BCL11A: variants seen among roughly 807,000 people sequenced by gnomAD.
The protein encoded by BCL11A is B cell CLL/lymphoma 11A.
In BCL11A, 2 loss-of-function variants were observed where a neutral mutation model predicts 55.9. That is an observed-to-expected ratio of 0.04 (90% CI 0.01 to 0.11). The LOEUF is 0.11. Among genes scored for constraint, BCL11A ranks in the 10% least tolerant of loss-of-function variants. The pLI is 1.00. For synonymous variants in BCL11A, 465 were observed against 473.4 expected, an observed-to-expected ratio of 0.98 and a Z score of 0.23; for missense variants, 817 against 1,137.1, an observed-to-expected ratio of 0.72 and a Z score of 4.05.
chr2:60,547,336 A>G (rs181509531), intron 1 of BCL11A, among the ~76,000 whole-genome samples: 1 of 152,194 alleles, frequency 6.6e-6, no homozygotes, highest in Admixed American at 6.5e-5. Flanking sequence ...ACACATAATC[A>G]CCAGCGGATG....
At position 60,461,794 on chromosome 2, in the gene BCL11A, G is replaced by A. The variant is rs777891691; in HGVS notation, c.1118C>T (p.Pro373Leu). Residue 373 changes from proline (P) to leucine (L), a missense_variant, in exon 4 of 4, where the codon CCG (proline) becomes CTG (leucine). By Grantham distance (98) the Pro-to-Leu change is moderately conservative. Transcript: ENST00000642384. The stretch of plus-strand genomic sequence containing the variant: ...GAACTCGCATGACTTGGACTTGACC[G>A]GGGGCTGGGAGGGAGGAGGGGCGGA... ...LQSAPPPSQP[P>L]VKSKSCEFCG... The A allele has an allele frequency of 4.3e-6, 7 of 1,613,792 alleles. No homozygotes were observed. Among genetic ancestry groups the A allele is most frequent in the Admixed American group, 3.3e-5 (2 of 60,022 alleles).
chr2:60,514,882 AAAAAG>A (rs1573040006), intron 2 of BCL11A, among the ~76,000 whole-genome samples: 2 of 151,738 alleles, frequency 1.3e-5, no homozygotes, highest in East Asian at 1.9e-4. Flanking sequence ...AGAAAAAAAA[AAAAAG>A]AAAAGAGAGA....
At chr2:60,517,301 C>T (rs981668750) in intron 2 of BCL11A, among the ~76,000 whole-genome samples, 1 of 152,174 alleles carries the variant, frequency 6.6e-6, no homozygotes, top group African/African-American at 2.4e-5. Flanking sequence ...CAAGCTATTC[C>T]CTGGGCACAC....
chr2:60,457,804 T>A lies in BCL11A; in HGVS notation c.*2600A>T. 1 of 1,046,676 alleles carries A rather than the reference T, an allele frequency of 9.6e-7. No homozygotes were observed. The highest frequency in any genetic ancestry group is 1.2e-6 in the Non-Finnish European group (1 of 867,374). The allele number at this position is 1,046,676 out of a possible 1,614,324, so 64.8% of individuals were successfully genotyped here. ...ACAAACCAACGTTATTAGCTTGCAGTACTGCATACAGTATGGCAGCAGGAA... is the reference window on the plus strand; with the variant it reads ...ACAAACCAACGTTATTAGCTTGCAGAACTGCATACAGTATGGCAGCAGGAA... On this transcript the variant is annotated 3_prime_UTR_variant, in exon 4 of 4. Transcript: ENST00000642384.
chr2:60,468,901 A>C, intron 2 of BCL11A, 68 bp from the exon 3 acceptor site: 1 of 947,914 alleles, frequency 1.1e-6, no homozygotes, highest in Non-Finnish European at 1.7e-6. Context: ...ACAGGATATC[A>C]CATTTCAATT....
At chr2:60,547,213 G>A (rs1340363892) in intron 1 of BCL11A, among the ~76,000 whole-genome samples, 1 of 152,138 alleles carries the variant, frequency 6.6e-6, no homozygotes, top group African/African-American at 2.4e-5. Context: ...CCACATTTCA[G>A]AGCAAGGCTG....
chr2:60,536,689 C>T (rs763624627), intron 2 of BCL11A: 5 of 152,202 alleles, frequency 3.3e-5, no homozygotes, highest in Non-Finnish European at 5.9e-5. Context: ...CCTGCCACCC[C>T]CCTGCTGGCA....
chr2:60,495,944 G>C (rs1318531627), intron 2 of BCL11A, among the ~76,000 whole-genome samples: 3 of 140,294 alleles, frequency 2.1e-5, no homozygotes, highest in Non-Finnish European at 4.7e-5. Flanking sequence ...TTACAAGGGT[G>C]TTTTCACTAT....
chr2:60,473,035 ATGCATATGTGTTTGTG>A (rs1423086100), intron 2 of BCL11A, among the ~76,000 whole-genome samples: 3 of 131,126 alleles, frequency 2.3e-5, no homozygotes, highest in Non-Finnish European at 5.6e-5. Flanking sequence ...TAGCGTGTGC[ATGCATATGTGTTTGTG>A]AGCATGTGCA....
In BCL11A at chr2:60,459,934, TTC is replaced by T. The variant is rs1026899119; in HGVS notation, c.*468_*469del. ...ACAGAATGTATGCAGCATGGTCTTT[TTC>T]TCTCTCTCTCTCTTTTTCTCTCAGA... On this transcript the variant is annotated 3_prime_UTR_variant, in exon 4 of 4. Transcript: ENST00000642384. The T allele has an allele frequency of 8.6e-4, 896 of 1,044,078 alleles. No homozygotes were observed. The highest frequency in any genetic ancestry group is 2.6e-3 in the East Asian group (49 of 18,646). 64.7% of individuals were successfully genotyped at this position (1,044,078 alleles called of 1,614,324 possible).
At chr2:60,549,081 T>C (rs1211974395) in intron 1 of BCL11A, among the ~76,000 whole-genome samples, 1 of 152,008 alleles carries the variant, frequency 6.6e-6, no homozygotes, top group African/African-American at 2.4e-5. Context: ...TCGATTGAAG[T>C]GGAAGGGAGT....
rs1170337542 is a variant in BCL11A, at chr2:60,457,366, T to TA, written c.*3037dup. 0.012 allele frequency: 8,698 copies of TA among 756,188 alleles called. No individual in the cohort carries two copies. The highest frequency in any genetic ancestry group is 0.015 in the East Asian group (185 of 12,274). 46.8% of individuals were successfully genotyped at this position (756,188 alleles called of 1,614,324 possible). ...TTGTAATGACCTTTGGTCATCTAAA[T>TA]AAAAAAAAAAATAAAAACAAAGAAA... On this transcript the variant is annotated 3_prime_UTR_variant, in exon 4 of 4. Coordinates refer to ENST00000642384, the MANE Select transcript of BCL11A (RefSeq NM_022893.4).
chr2:60,514,397 C>G (rs1008631514), intron 2 of BCL11A, among the ~76,000 whole-genome samples: 3 of 151,928 alleles, frequency 2.0e-5, no homozygotes, highest in Admixed American at 6.6e-5. Flanking sequence ...TGGCTCACAC[C>G]TGTAATCTCA....
chr2:60,502,803 A>C (rs1679366475), intron 2 of BCL11A, among the ~76,000 whole-genome samples: 1 of 152,254 alleles, frequency 6.6e-6, no homozygotes, highest in Admixed American at 6.5e-5. Context: ...AATAAATTCT[A>C]GTCCTGTCAC....
chr2:60,471,940 G>A (rs749505328), intron 2 of BCL11A, among the ~76,000 whole-genome samples: 52 of 152,324 alleles, frequency 3.4e-4, no homozygotes, highest in Non-Finnish European at 6.2e-4. Flanking sequence ...GCACACTCAA[G>A]CTGAATCAGC....
chr2:60,538,737 CTCTGTGTGTGTGTG>C (rs1217536595), intron 2 of BCL11A, among the ~76,000 whole-genome samples: 84 of 118,752 alleles, frequency 7.1e-4, no homozygotes, highest in African/African-American at 2.3e-3. Context: ...CTCTCTCTCT[CTCTGTGTGTGTGTG>C]TGTGTGTGTG....
intron 2 of BCL11A, among the ~76,000 whole-genome samples, chr2:60,493,025 C>T (rs1336526356): frequency 6.6e-6 from 1 of 152,142 alleles, no homozygotes; most frequent in Non-Finnish European, 1.5e-5. Context: ...ACCACTGAAC[C>T]CCCACCTACC....
At position 60,458,666 on chromosome 2, in the gene BCL11A, T is replaced by G. The variant is rs780186682; in HGVS notation, c.*1738A>C. The G allele has an allele frequency of 4.1e-5, 42 of 1,030,402 alleles. No individual in the cohort carries two copies. The highest frequency in any genetic ancestry group is 4.7e-5 in the Non-Finnish European group (40 of 856,850). The allele number at this position is 1,030,402 out of a possible 1,614,324, so 63.8% of individuals were successfully genotyped here. On this transcript the variant is annotated 3_prime_UTR_variant, in exon 4 of 4. Coordinates refer to ENST00000642384, the MANE Select transcript of BCL11A (RefSeq NM_022893.4). ...GATTGTGTTCAATTTTTTTTCAGCA[T>G]TCTTGCAACTTTTCCCTTAAGTATA...
chr2:60,541,670 G>T, intron 2 of BCL11A: 1 of 414,280 alleles, frequency 2.4e-6, no homozygotes, highest in East Asian at 4.1e-5. Flanking sequence ...GTACTTATTA[G>T]AAAACAATAT....
Sources: gnomAD v4.1 joint callset for allele counts (sites outside exome capture counted in the v4.1 genomes callset) on GRCh38, gnomAD v4.1.1 for gene constraint, MANE v1.5 for transcripts, NCBI Gene and HGNC (gene_info 2026-07-23, HGNC 2026-07-21) for gene names.